TTC7A: variants seen among roughly 807,000 people sequenced by gnomAD.
TTC7A encodes tetratricopeptide repeat protein 7A.
In TTC7A, 110 loss-of-function variants were observed where a neutral mutation model predicts 103.7. The ratio of observed to expected loss-of-function variants is 1.06; its 90% CI spans 0.91 to 1.24. The LOEUF is 1.24. TTC7A is among the 50% of genes most tolerant of loss of function. The pLI is 0.00. For synonymous variants in TTC7A, 521 were observed against 467.9 expected, an observed-to-expected ratio of 1.11 and a Z score of -1.47; for missense variants, 1,340 against 1,116.3, an observed-to-expected ratio of 1.20 and a Z score of -2.86.
intron 19 of TTC7A, 95 bp downstream of exon 19, chr2:47,061,066 T>C (rs915487530): frequency 1.4e-4 from 178 of 1,293,958 alleles, no homozygotes; most frequent in Non-Finnish European, 1.8e-4. Context: ...CTCCACTGCC[T>C]GCCTGTGCCT....
At chr2:46,999,401 G>C (rs1331194577) in intron 8 of TTC7A, 1 of 724,296 alleles carries the variant, frequency 1.4e-6, no homozygotes, top group East Asian at 1.3e-4. Flanking sequence ...CATCCATCCA[G>C]CCACCTACCA....
Position 47,049,893 on chromosome 2 carries a change from G to A in TTC7A, c.1920-56G>A, listed in dbSNP as rs138278161. 1,370 of 1,342,450 alleles carry A rather than the reference G, an allele frequency of 1.0e-3. 9 individuals are homozygous for A. Among genetic ancestry groups the A allele is most frequent in the South Asian group, 8.3e-3 (695 of 83,628 alleles). 83.2% of individuals were successfully genotyped at this position (1,342,450 alleles called of 1,614,324 possible). ...TGATGCTGGCCCTCTACCTCACTGGGCCCTGTGATGCTAGCCCTCTACCTT... is the reference window on the plus strand; with the variant it reads ...TGATGCTGGCCCTCTACCTCACTGGACCCTGTGATGCTAGCCCTCTACCTT... On this transcript the variant is annotated intron_variant, in intron 16 of 19. Coordinates refer to ENST00000319190, the MANE Select transcript of TTC7A (RefSeq NM_020458.4).
At chr2:46,999,756 A>G in intron 8 of TTC7A, 1 of 985,478 alleles carries the variant, frequency 1.0e-6, no homozygotes, top group Non-Finnish European at 1.2e-6. Flanking sequence ...TATTTCTGAA[A>G]TACTGATCTG....
chr2:47,024,200 G>A, intron 13 of TTC7A, 87 bp from the exon 14 acceptor site: 2 of 1,242,780 alleles, frequency 1.6e-6, no homozygotes, highest in Non-Finnish European at 2.3e-6. Flanking sequence ...ATAGCGCCCA[G>A]CACAGGGCTG....
chr2:46,991,074 C>A (rs369784788), intron 5 of TTC7A, among the ~76,000 whole-genome samples: 10 of 152,102 alleles, frequency 6.6e-5, no homozygotes, highest in Middle Eastern at 3.2e-3. Flanking sequence ...GCCACCACAG[C>A]CTAGTTAATT....
In TTC7A at chr2:47,060,825, G is replaced by A. The variant is rs1683712393; in HGVS notation, c.2209G>A (p.Ala737Thr). Residue 737 changes from alanine to threonine, a missense_variant, in exon 19 of 20, where the codon GCG (alanine) becomes ACG (threonine). Ala to Thr is a moderately conservative substitution (Grantham distance 58). Coordinates refer to ENST00000319190, the MANE Select transcript of TTC7A (RefSeq NM_020458.4). Reference sequence around the variant, plus strand: ...GGAAGCAGGTTTCTGCATCCAGGAGGCGGCGGGCCTCTTCCCCACTTCTCA... The same window carrying A: ...GGAAGCAGGTTTCTGCATCCAGGAGACGGCGGGCCTCTTCCCCACTTCTCA... Reference protein sequence around the residue: ...LKEAGFCIQEAAGLFPTSHSV... With the variant: ...LKEAGFCIQETAGLFPTSHSV... 1 of 1,613,684 alleles carries A rather than the reference G, an allele frequency of 6.2e-7. No homozygotes were observed. The highest frequency in any genetic ancestry group is 1.3e-5 in the African/African-American group (1 of 74,924).
intron 15 of TTC7A, chr2:47,034,333 A>G (rs868019064): frequency 3.9e-5 from 6 of 152,108 alleles, no homozygotes; most frequent in African/African-American, 1.4e-4. Flanking sequence ...CAAGCCGCGG[A>G]ATGTGAAAGG....
chr2:46,924,853 C>G (rs776937394), intron 2 of TTC7A, among the ~76,000 whole-genome samples: 14 of 152,244 alleles, frequency 9.2e-5, no homozygotes, highest in Non-Finnish European at 1.5e-5. Flanking sequence ...GACTCGAGCT[C>G]TGGGCTCAAG....
At chr2:46,916,749 C>T (rs998665463) in intron 1 of TTC7A, among the ~76,000 whole-genome samples, 2 of 152,196 alleles carry the variant, frequency 1.3e-5, no homozygotes, top group Non-Finnish European at 2.9e-5. Context: ...CTTCTCCTAC[C>T]TCAGCCTCCC....
At chr2:46,932,483 A>G (rs1279541628) in intron 2 of TTC7A, among the ~76,000 whole-genome samples, 1 of 152,198 alleles carries the variant, frequency 6.6e-6, no homozygotes, top group Admixed American at 6.5e-5. Context: ...TTGATGGTTA[A>G]TAAGAGTTTG....
intron 1 of TTC7A, among the ~76,000 whole-genome samples, chr2:46,946,641 C>G (rs934654918): frequency 6.6e-6 from 1 of 152,130 alleles, no homozygotes; most frequent in African/African-American, 2.4e-5. Flanking sequence ...AGGCTGGTCT[C>G]TAACTCCTGG....
At chr2:47,032,007 G>A (rs767891341) in intron 15 of TTC7A, among the ~76,000 whole-genome samples, 16 of 152,248 alleles carry the variant, frequency 1.1e-4, no homozygotes, top group African/African-American at 3.6e-4. Context: ...CTCTCCCTGC[G>A]GGCAGTGTGT....
At chr2:46,994,276 G>A (rs1675921524) in intron 6 of TTC7A, 81 bp from the exon 7 acceptor site, 2 of 1,498,932 alleles carry the variant, frequency 1.3e-6, no homozygotes, top group Non-Finnish European at 1.8e-6. Flanking sequence ...GATTTAGCTG[G>A]GATGGGCAGA....
intron 4 of TTC7A, among the ~76,000 whole-genome samples, chr2:46,976,432 C>T (rs768960964): frequency 1.7e-4 from 26 of 152,176 alleles, no homozygotes; most frequent in African/African-American, 2.4e-4. Context: ...GGTTCTAGAG[C>T]AGCATAGATT....
rs142490773 is a variant in TTC7A at position 47,011,425 on chromosome 2, C to T, written c.1382C>T (p.Ser461Phe). Residue 461 changes from serine to phenylalanine, a missense_variant, in exon 11 of 20, where the codon TCC (serine) becomes TTC (phenylalanine). Physicochemically the swap from Ser to Phe is radical, Grantham distance 155. Transcript: ENST00000319190. ...PLMAAKVCIGSLRWLEEAEHF... is the reference protein window; with the variant it reads ...PLMAAKVCIGFLRWLEEAEHF... ...ATGGCCGCGAAGGTCTGCATCGGGT[C>T]CCTTCGCTGGGTGAGTGAGCTGTGA... 39 of 1,606,312 alleles carry T rather than the reference C, an allele frequency of 2.4e-5. No homozygotes were observed. Among genetic ancestry groups the T allele is most frequent in the Non-Finnish European group, 3.3e-5 (39 of 1,179,506 alleles).
At chr2:47,006,850 G>A (rs1677465076) in intron 10 of TTC7A, 126 bp downstream of exon 10, 1 of 758,910 alleles carries the variant, frequency 1.3e-6, no homozygotes, top group Non-Finnish European at 2.3e-6. Context: ...GAACCTCCGG[G>A]AGAGTGAGGG....
In TTC7A at chr2:46,941,624, G is replaced by A. The variant is rs767573424; in HGVS notation, c.83G>A (p.Arg28His). The change falls in exon 1 of 20, where the codon CGC (arginine) becomes CAC (histidine). Residue 28 changes from arginine to histidine, a missense_variant. By Grantham distance (29) the Arg-to-His change is conservative. Transcript: ENST00000319190. This position sits in a 1 kb window ranked among gnomAD's most constrained non-coding sequence, Gnocchi z 4.2. ...ERCRAEGHWD[R>H]MPELVRQLQT... is the part of the protein sequence containing the mutation. The stretch of plus-strand genomic sequence containing the variant: ...TGCCGCGCCGAGGGCCACTGGGACC[G>A]CATGCCGGAGCTGGTCCGGCAGCTG... 6.4e-7 allele frequency: 1 copy of A among 1,555,168 alleles called. No homozygotes were observed. Among genetic ancestry groups the A allele is most frequent in the African/African-American group, 1.4e-5 (1 of 73,492 alleles).
rs565391402 is a variant in TTC7A at position 46,923,966 on chromosome 2, C to G, written c.82+6689C>G. Among the ~76,000 whole-genome samples, 5 of 152,080 alleles carry G rather than the reference C, an allele frequency of 3.3e-5. No individual in the cohort carries two copies. The East Asian group carries it at 9.7e-4, about 29-fold the overall frequency. On this transcript the variant is annotated intron_variant, in intron 2 of 20. Transcript: ENST00000409245. Reference sequence around the variant, plus strand: ...GGCCAGGCTGGTCTCGAACTCCTGACCTCAGGTGATCCACCCGCCTCGGCC... The same window carrying G: ...GGCCAGGCTGGTCTCGAACTCCTGAGCTCAGGTGATCCACCCGCCTCGGCC...
chr2:46,982,784 T>C (rs965623309), intron 5 of TTC7A, among the ~76,000 whole-genome samples: 1 of 152,050 alleles, frequency 6.6e-6, no homozygotes, highest in African/African-American at 2.4e-5. Context: ...GACAACATAG[T>C]GAGACCGTCT....
Sources: allele counts gnomAD v4.1 joint callset (sites outside exome capture counted in the v4.1 genomes callset), GRCh38; gene constraint gnomAD v4.1.1; non-coding constraint Gnocchi (gnomAD v3.1); transcripts MANE v1.5; gene names NCBI Gene and HGNC (gene_info 2026-07-23, HGNC 2026-07-21).